The following MACF1 variants were observed in gnomAD, a reference collection of about 807,000 sequenced individuals.
MACF1 encodes the protein microtubule-actin cross-linking factor 1.
In MACF1, 193 loss-of-function variants were observed where a neutral mutation model predicts 854.8. That is an observed-to-expected ratio of 0.23 (90% CI 0.20 to 0.25). MACF1 has a LOEUF of 0.25. Ranked by LOEUF, MACF1 falls within the 10% of genes least tolerant of loss-of-function variation. The probability of loss-of-function intolerance (pLI) is 1.00; values close to 1 mark genes in which losing one functional copy is unlikely to be tolerated. For missense variants in MACF1, 7,722 were observed against 8,929.1 expected, an observed-to-expected ratio of 0.86 and a Z score of 5.45; for synonymous variants, 3,185 against 3,226.7, an observed-to-expected ratio of 0.99 and a Z score of 0.44.
chr1:39,302,832 C>T, intron 22 of MACF1, 92 bp from the exon 23 acceptor site: 2 of 1,265,960 alleles, frequency 1.6e-6, no homozygotes, highest in Admixed American at 2.4e-5. Context: ...AGATTTTTTT[C>T]TTAAGGATTT....
intron 53 of MACF1, 64 bp from the exon 54 acceptor site, chr1:39,379,139 T>C: frequency 1.4e-6 from 2 of 1,467,384 alleles, no homozygotes; most frequent in South Asian, 2.8e-5. Flanking sequence ...AATTTAGGAG[T>C]GAGGAGTCAA....
At chr1:39,217,617 G>A (rs1255818229) in intron 1 of MACF1, among the ~76,000 whole-genome samples, 2 of 152,178 alleles carry the variant, frequency 1.3e-5, no homozygotes, top group Non-Finnish European at 2.9e-5. Context: ...GGTGGCTCAT[G>A]CCTATAATCG....
intron 82 of MACF1, 28 bp from the exon 83 acceptor site, chr1:39,448,005 T>C (rs370415659): frequency 1.2e-6 from 2 of 1,613,520 alleles, no homozygotes; most frequent in Non-Finnish European, 1.7e-6. Flanking sequence ...TATTCATTCC[T>C]GTTAACTTAT....
intron 60 of MACF1, among the ~76,000 whole-genome samples, chr1:39,423,648 A>AG (rs1474156381): frequency 6.6e-6 from 1 of 151,860 alleles, no homozygotes; most frequent in Non-Finnish European, 1.5e-5. Flanking sequence ...AAAAAAAAAA[A>AG]AAAATGTTTA....
chr1:39,301,521 G>A (rs112503435), intron 22 of MACF1, among the ~76,000 whole-genome samples: 3,656 of 151,974 alleles, frequency 0.024, 135 homozygotes, highest in African/African-American at 0.083. Flanking sequence ...TGCCCCCTGG[G>A]TTCAAGTGAT....
intron 94 of MACF1, chr1:39,463,908 T>C (rs1644608528): frequency 1.4e-5 from 6 of 425,722 alleles, no homozygotes; most frequent in Non-Finnish European, 2.7e-5. Context: ...AGTTTTAAGA[T>C]AGGAGATATT....
At chr1:39,476,037 G>A (rs150623955) in intron 97 of MACF1, among the ~76,000 whole-genome samples, 1 of 152,320 alleles carries the variant, frequency 6.6e-6, no homozygotes, top group Non-Finnish European at 1.5e-5. Flanking sequence ...TACAACAGCA[G>A]AGAGATGTTT....
At chr1:39,102,093 G>T (rs1217270651) in intron 2 of MACF1, among the ~76,000 whole-genome samples, 1 of 151,278 alleles carries the variant, frequency 6.6e-6, no homozygotes, top group Admixed American at 6.6e-5. Context: ...GGAGAATGGC[G>T]TGAACCCCGG....
rs756885007 is a variant in MACF1, at chr1:39,331,594, G to C, written c.5006G>C (p.Cys1669Ser). 1.1e-5 allele frequency: 18 copies of C among 1,614,194 alleles called. No homozygotes were observed. Among genetic ancestry groups the C allele is most frequent in the Non-Finnish European group, 1.4e-5 (17 of 1,180,032 alleles). ...GGFSLSPSEN[C>S]INLEEAFHQG... ...TTCAGTCTTTCCCCTAGTGAGAACTGTATTAACCTGGAAGAGGCTTTTCAT... is the reference window on the plus strand; with the variant it reads ...TTCAGTCTTTCCCCTAGTGAGAACTCTATTAACCTGGAAGAGGCTTTTCAT... The change falls in exon 37 of 101, where the codon TGT becomes TCT. Residue 1669 changes from cysteine to serine, a missense_variant. Cys to Ser is a moderately radical substitution (Grantham distance 112, BLOSUM62 -1). This residue lies in a region of MACF1 where 1,531 missense variants were observed against 1,601.6 expected (regional missense o/e 0.96). Coordinates refer to ENST00000564288, the MANE Select transcript of MACF1 (RefSeq NM_001394062.1).
chr1:39,457,445 C>T (rs528784172), intron 89 of MACF1: 2 of 152,602 alleles, frequency 1.3e-5, no homozygotes, highest in South Asian at 4.1e-4. Flanking sequence ...GCTAGCCACT[C>T]CCCATCCCAC....
At chr1:39,474,437 T>G (rs1310359430) in intron 97 of MACF1, among the ~76,000 whole-genome samples, 3 of 151,862 alleles carry the variant, frequency 2.0e-5, no homozygotes, top group Non-Finnish European at 2.9e-5. Flanking sequence ...GGCTCACACC[T>G]GTAATCCTAG....
chr1:39,443,709 T>A lies in MACF1; in HGVS notation c.19431+135T>A, dbSNP rs1644165483. On this transcript the variant is annotated intron_variant, in intron 79 of 100. Coordinates refer to ENST00000564288, the MANE Select transcript of MACF1 (RefSeq NM_001394062.1). ...TTTATCAAACATATAGTATAACCTT[T>A]GGGGATTGCTGCCTGTTACAGGCTT... 6.3e-6 allele frequency: 6 copies of A among 957,292 alleles called. No homozygotes were observed. The Admixed American group carries it at 8.8e-5, about 14-fold the overall frequency. The allele number at this position is 957,292 out of a possible 1,614,324, so 59.3% of individuals were successfully genotyped here.
chr1:39,285,640 T>C lies in MACF1; in HGVS notation c.1390T>C (p.Cys464Arg). 6 of 1,613,958 alleles carry C rather than the reference T, an allele frequency of 3.7e-6. No individual in the cohort carries two copies. Among genetic ancestry groups the C allele is most frequent in the Non-Finnish European group, 5.1e-6 (6 of 1,179,968 alleles). ...AHLESGQPVQ[C>R]ESDVIMYIQE... is the part of the protein sequence containing the mutation. ...CCTGGAATCAGGACAACCGGTACAA[T>C]GTGAGTCAGATGTCATTATGTACAT... The change falls in exon 14 of 101, where the codon TGT becomes CGT. Residue 464 changes from cysteine (C) to arginine (R), a missense_variant. By Grantham distance (180) the Cys-to-Arg change is radical. Around this residue, in one of 15 missense-constraint regions of MACF1, gnomAD observed 1,137 missense variants for 1,263.0 expected, o/e 0.90. Coordinates refer to ENST00000564288, the MANE Select transcript of MACF1 (RefSeq NM_001394062.1).
At chr1:39,348,360 G>A (rs1569626020) in intron 41 of MACF1, among the ~76,000 whole-genome samples, 1 of 152,186 alleles carries the variant, frequency 6.6e-6, no homozygotes, top group East Asian at 1.9e-4. Context: ...GCTGCAGCAG[G>A]TGATAGAACT....
intron 6 of MACF1, among the ~76,000 whole-genome samples, chr1:39,265,445 TGGGGAAAGGTCTCGTAATCA>T (rs1277144460): frequency 6.6e-6 from 1 of 152,126 alleles, no homozygotes; most frequent in Non-Finnish European, 1.5e-5. Context: ...GAAAAGGTCT[TGGGGAAAGGTCTCGTAATCA>T]GAATTAACTT....
In MACF1 at chr1:39,447,455, C is replaced by T. The variant is rs1644253615; in HGVS notation, c.19629C>T (p.Asn6543=). ...ERKSKLEEAL[N]LATEFQNSLQ... ...AGTCAAAGCTGGAAGAGGCCCTCAA[C>T]TTGGCAACAGAATTCCAGAATTCCC... is the stretch of plus-strand genomic sequence containing the variant. Residue 6543 remains asparagine, a synonymous_variant, in exon 81 of 101, where the codon AAC becomes AAT. Transcript: ENST00000564288. 8 of 1,614,026 alleles carry T rather than the reference C, an allele frequency of 5.0e-6. No individual in the cohort carries two copies. Among genetic ancestry groups the T allele is most frequent in the Non-Finnish European group, 5.9e-6 (7 of 1,180,014 alleles).
intron 29 of MACF1, among the ~76,000 whole-genome samples, 190 bp from the exon 30 acceptor site, chr1:39,318,263 C>G (rs1454259244): frequency 6.6e-6 from 1 of 152,132 alleles, no homozygotes; most frequent in Non-Finnish European, 1.5e-5. Context: ...TTTCTACTCA[C>G]TTTTTTGACC....
At chr1:39,147,587 A>G (rs1277067946) in intron 2 of MACF1, among the ~76,000 whole-genome samples, 1 of 150,714 alleles carries the variant, frequency 6.6e-6, no homozygotes. Context: ...TGGCACAATC[A>G]TAGCTCACTG....
intron 65 of MACF1, 26 bp downstream of exon 65, chr1:39,430,094 G>C: frequency 6.3e-7 from 1 of 1,581,242 alleles, no homozygotes; most frequent in Non-Finnish European, 8.6e-7. Context: ...ACCATAAAAA[G>C]AAAAAAAGGC....
Sources: gnomAD v4.1 joint callset for allele counts (sites outside exome capture counted in the v4.1 genomes callset) on GRCh38, gnomAD v4.1.1 for gene constraint, gnomAD v4.1.1 regional missense constraint, MANE v1.5 for transcripts, NCBI Gene and HGNC (gene_info 2026-07-23, HGNC 2026-07-21) for gene names.